LAMB4: variants seen among roughly 807,000 people sequenced by gnomAD.
LAMB4 encodes laminin subunit beta 4.
A neutral mutation model predicts 199.2 loss-of-function variants in LAMB4; 196 were observed. The observed-to-expected ratio is 0.98, with a 90% CI of 0.88 to 1.11. The LOEUF is 1.11. Ranked by LOEUF, LAMB4 falls within the 50% of genes least tolerant of loss-of-function variation. The pLI is 0.00. For missense variants in LAMB4, 2,080 were observed against 2,171.2 expected (o/e 0.96, Z 0.83); for synonymous variants, 744 against 770.6 (o/e 0.97, Z 0.57).
chr7:108,050,703 T>G (rs889401103), intron 26 of LAMB4, among the ~76,000 whole-genome samples: 1 of 152,210 alleles, frequency 6.6e-6, no homozygotes, highest in Admixed American at 6.5e-5. Context: ...GACCATACTC[T>G]TAATGTATCA....
intron 29 of LAMB4, among the ~76,000 whole-genome samples, chr7:108,043,196 A>G (rs1404113185): frequency 2.6e-5 from 4 of 152,116 alleles, no homozygotes; most frequent in Non-Finnish European, 5.9e-5. Context: ...CCAACTCCCT[A>G]TGATATTTGA....
rs542392542 is a variant in LAMB4 at position 108,032,338 on chromosome 7, C to T, written c.4819-1359G>A. Among the ~76,000 whole-genome samples the T allele has an allele frequency of 2.6e-5, 4 of 151,736 alleles. No homozygotes were observed. The East Asian group carries it at 5.8e-4, about 22-fold the overall frequency. The stretch of plus-strand genomic sequence containing the variant: ...CCAGGAGGTGGAGGTTGCAGTGAGC[C>T]GAGATTGTGCCATTGCACTCCAGCC... On this transcript the variant is annotated intron_variant, in intron 31 of 33. Coordinates refer to ENST00000388781, the MANE Select transcript of LAMB4 (RefSeq NM_007356.3).
At chr7:108,120,065 C>T (rs1199504947) in intron 2 of LAMB4, among the ~76,000 whole-genome samples, 1 of 152,122 alleles carries the variant, frequency 6.6e-6, no homozygotes, top group African/African-American at 2.4e-5. Context: ...ACACTTTATC[C>T]TTGAGACATG....
At chr7:108,097,366 T>A (rs928043748) in intron 11 of LAMB4, among the ~76,000 whole-genome samples, 2 of 152,222 alleles carry the variant, frequency 1.3e-5, no homozygotes, top group East Asian at 3.8e-4. Flanking sequence ...CTTAGAAAAC[T>A]GCTGAGGTGT....
chr7:108,114,983 T>C (rs929150165), intron 3 of LAMB4, among the ~76,000 whole-genome samples: 2 of 152,230 alleles, frequency 1.3e-5, no homozygotes, highest in African/African-American at 4.8e-5. Flanking sequence ...AGTAGTATTA[T>C]GTTGGTGTAC....
chr7:108,032,430 T>C (rs2035071820), intron 31 of LAMB4, among the ~76,000 whole-genome samples: 1 of 152,066 alleles, frequency 6.6e-6, no homozygotes, highest in Non-Finnish European at 1.5e-5. Flanking sequence ...GGCAATTTGT[T>C]TCTTTACACG....
At chr7:108,029,788 A>G (rs1263704365) in intron 32 of LAMB4, among the ~76,000 whole-genome samples, 1 of 152,184 alleles carries the variant, frequency 6.6e-6, no homozygotes, top group Non-Finnish European at 1.5e-5. Context: ...GGCCAAAGCC[A>G]GAAATGAAAT....
chr7:108,058,013 A>G, intron 23 of LAMB4, 85 bp from the exon 24 acceptor site: 2 of 903,198 alleles, frequency 2.2e-6, no homozygotes, highest in Non-Finnish European at 3.6e-6. Context: ...TTTCCCCTCC[A>G]GTGAATTAGA....
chr7:108,091,812 AGTAGGTGAGCGGAAAATGAAGGT>A, intron 13 of LAMB4, 36 bp from the exon 14 acceptor site: 2 of 1,609,908 alleles, frequency 1.2e-6, no homozygotes, highest in Non-Finnish European at 1.7e-6. Flanking sequence ...AAAAATGCAA[AGTAGGTGAGCGGAAAATGAAGGT>A]GTAGGGGTGC....
chr7:108,095,105 T>C (rs1381149276), intron 12 of LAMB4, 123 bp downstream of exon 12: 2 of 673,822 alleles, frequency 3.0e-6, no homozygotes, highest in African/African-American at 1.8e-5. Context: ...TAAATACTCA[T>C]ACCACTGGAG....
intron 29 of LAMB4, among the ~76,000 whole-genome samples, chr7:108,043,545 G>GTGTTTTTTTTTTT (rs2035496985): frequency 5.4e-5 from 3 of 56,000 alleles, no homozygotes; most frequent in African/African-American, 4.4e-4. Flanking sequence ...TGGCTATGAT[G>GTGTTTTTTTTTTT]TTTTTTTTTT....
chr7:108,094,209 C>T (rs764522583), intron 12 of LAMB4, among the ~76,000 whole-genome samples: 50 of 152,252 alleles, frequency 3.3e-4, no homozygotes, highest in Non-Finnish European at 5.9e-4. Context: ...AAAAAGTCAG[C>T]CTGAGCCTAA....
chr7:108,076,355 A>G (rs1413303840), intron 17 of LAMB4, among the ~76,000 whole-genome samples: 2 of 152,172 alleles, frequency 1.3e-5, no homozygotes, highest in African/African-American at 2.4e-5. Flanking sequence ...TGTTGGAAGA[A>G]GTCACTCAGG....
the LAMB4 span, among the ~76,000 whole-genome samples, chr7:108,015,796 T>C: frequency 5.1e-3 from 770 of 150,956 alleles, 9 homozygotes; most frequent in African/African-American, 0.018. Flanking sequence ...AACAATCCTA[T>C]TGAATGTGTT....
intron 30 of LAMB4, 43 bp from the exon 31 acceptor site, chr7:108,034,389 T>G (rs1215605629): frequency 1.4e-6 from 2 of 1,454,498 alleles, no homozygotes; most frequent in East Asian, 4.5e-5. Context: ...AAATACACAA[T>G]TATTCACTTA....
chr7:108,108,134 A>G (rs937865799), intron 5 of LAMB4, among the ~76,000 whole-genome samples: 1 of 152,028 alleles, frequency 6.6e-6, no homozygotes, highest in Non-Finnish European at 1.5e-5. Context: ...GAGTTTTGCC[A>G]TGTTGCCCAG....
intron 13 of LAMB4, 98 bp downstream of exon 13, chr7:108,092,239 T>A: frequency 1.2e-6 from 1 of 842,764 alleles, no homozygotes; most frequent in Non-Finnish European, 1.9e-6. Context: ...TTGCTTGTCA[T>A]GGAATGAAAT....
chr7:108,062,734 G>A, intron 23 of LAMB4, 40 bp downstream of exon 23: 1 of 1,159,098 alleles, frequency 8.6e-7, no homozygotes, highest in Non-Finnish European at 1.1e-6. Flanking sequence ...TCACTATCAT[G>A]CTCACTTTGA....
chr7:108,048,224 G>T, intron 27 of LAMB4, 113 bp from the exon 28 acceptor site: 7 of 833,276 alleles, frequency 8.4e-6, no homozygotes, highest in Non-Finnish European at 1.3e-5. Context: ...GAGAGCAATA[G>T]CGTGACCTTG....
Sources: allele counts gnomAD v4.1 joint callset (sites outside exome capture counted in the v4.1 genomes callset), GRCh38; gene constraint gnomAD v4.1.1; transcripts MANE v1.5; gene names NCBI Gene and HGNC (gene_info 2026-07-23, HGNC 2026-07-21).